Variants in FOXP1 observed in about 807,000 individuals in gnomAD.
FOXP1 encodes forkhead box protein P1.
In FOXP1, 15 loss-of-function variants were observed where a neutral mutation model predicts 98.2. The observed-to-expected ratio is 0.15, with a 90% CI of 0.10 to 0.24. The LOEUF (loss-of-function observed/expected upper bound fraction) is 0.24, where lower values mean the gene tolerates loss of function less well. FOXP1 is among the 10% of genes least tolerant of loss of function. The pLI is 1.00. For synonymous variants in FOXP1, 371 were observed against 314.5 expected, an observed-to-expected ratio of 1.18 and a Z score of -1.90; for missense variants, 633 against 848.5, an observed-to-expected ratio of 0.75 and a Z score of 3.15.
At chr3:71,035,061 T>C (rs2047399778) in intron 11 of FOXP1, among the ~76,000 whole-genome samples, 1 of 152,192 alleles carries the variant, frequency 6.6e-6, no homozygotes, top group African/African-American at 2.4e-5. Flanking sequence ...CTTCTCAAAC[T>C]TGAACATGTA....
intron 6 of FOXP1, among the ~76,000 whole-genome samples, chr3:71,135,266 A>T (rs2107955885): frequency 1.3e-5 from 2 of 151,932 alleles, no homozygotes; most frequent in Middle Eastern, 3.4e-3. Flanking sequence ...AAAAAAAAAA[A>T]AAAAAAAAAA....
intron 7 of FOXP1, among the ~76,000 whole-genome samples, chr3:71,091,129 G>GTGTGTGTGTGTGTATA (rs3064142): frequency 8.2e-6 from 1 of 122,290 alleles, no homozygotes; most frequent in Non-Finnish European, 1.7e-5. Context: ...GTGTGTGTGT[G>GTGTGTGTGTGTGTATA]TGTATTCTTA....
intron 4 of FOXP1, among the ~76,000 whole-genome samples, chr3:71,310,786 T>C (rs1396082746): frequency 6.6e-6 from 1 of 152,184 alleles, no homozygotes; most frequent in Non-Finnish European, 1.5e-5. Context: ...TGTTTAAGCC[T>C]GCACTAGTGT....
chr3:71,126,328 CA>C (rs528792162), intron 6 of FOXP1, among the ~76,000 whole-genome samples: 31 of 143,700 alleles, frequency 2.2e-4, no homozygotes, highest in Admixed American at 2.1e-4. Flanking sequence ...ATTAAAAATA[CA>C]AAAAAAAAAA....
At chr3:71,106,716 T>C (rs1293616031) in intron 7 of FOXP1, among the ~76,000 whole-genome samples, 1 of 151,708 alleles carries the variant, frequency 6.6e-6, no homozygotes, top group East Asian at 1.9e-4. Flanking sequence ...GGCCTCAGCC[T>C]TCTTAGTAGC....
chr3:71,380,818 G>GA (rs1453468749), intron 3 of FOXP1, among the ~76,000 whole-genome samples: 5 of 147,818 alleles, frequency 3.4e-5, no homozygotes, highest in Non-Finnish European at 7.4e-5. Context: ...CCCCAAGACA[G>GA]AATGGTTTTT....
At chr3:71,212,346 C>CT (rs1484310952) in intron 5 of FOXP1, among the ~76,000 whole-genome samples, 2 of 152,180 alleles carry the variant, frequency 1.3e-5, no homozygotes, top group Non-Finnish European at 2.9e-5. Context: ...AATCTTGACC[C>CT]TTAAGCACTG....
At chr3:71,341,857 G>A (rs1283471736) in intron 4 of FOXP1, among the ~76,000 whole-genome samples, 1 of 152,158 alleles carries the variant, frequency 6.6e-6, no homozygotes, top group African/African-American at 2.4e-5. Context: ...TAAAGACAAA[G>A]GTTTGAAGTT....
At chr3:71,356,216 A>G (rs1253604083) in intron 4 of FOXP1, among the ~76,000 whole-genome samples, 1 of 141,686 alleles carries the variant, frequency 7.1e-6, no homozygotes, top group South Asian at 2.1e-4. Context: ...ACTAAGTCAA[A>G]AAAAAAAAAA....
intron 6 of FOXP1, among the ~76,000 whole-genome samples, chr3:71,135,814 G>A (rs2059794282): frequency 6.6e-6 from 1 of 152,190 alleles, no homozygotes. Flanking sequence ...CACCTTTCCA[G>A]GCTCCAAAAC....
chr3:71,446,362 A>C (rs993166795), intron 3 of FOXP1, among the ~76,000 whole-genome samples: 2 of 152,118 alleles, frequency 1.3e-5, no homozygotes, highest in African/African-American at 4.8e-5. Flanking sequence ...GAGGGTAATA[A>C]GCAGAGAAAA....
chr3:71,583,471 T>C (rs546249478), intron 1 of FOXP1, 100 bp downstream of exon 1: 246 of 983,204 alleles, frequency 2.5e-4, no homozygotes, highest in South Asian at 1.6e-3. Context: ...CTTTCTTTTT[T>C]TTTTTTTGTG....
intron 19 of FOXP1, chr3:70,970,441 TTTTTGCCTC>T: frequency 2.3e-6 from 1 of 431,088 alleles, no homozygotes; most frequent in South Asian, 2.2e-5. Flanking sequence ...ACTTGTGGTA[TTTTTGCCTC>T]AAGTGAAATT....
intron 20 of FOXP1, 36 bp downstream of exon 20, chr3:70,965,854 C>T: frequency 1.2e-6 from 2 of 1,605,746 alleles, no homozygotes; most frequent in Non-Finnish European, 1.7e-6. Flanking sequence ...AGACTAGGGT[C>T]AGATAGCAAA....
intron 4 of FOXP1, among the ~76,000 whole-genome samples, chr3:71,357,252 C>T (rs577936190): frequency 6.6e-6 from 1 of 152,242 alleles, no homozygotes; most frequent in East Asian, 1.9e-4. Flanking sequence ...CTAGCATATT[C>T]GAGAGTTTAA....
At chr3:71,401,640 A>C (rs1237237243) in intron 3 of FOXP1, among the ~76,000 whole-genome samples, 2 of 152,212 alleles carry the variant, frequency 1.3e-5, no homozygotes, top group Admixed American at 1.3e-4. Flanking sequence ...GAGAGAGCAC[A>C]TGAACAGGTC....
chr3:71,338,954 A>C (rs565221092), intron 4 of FOXP1, among the ~76,000 whole-genome samples: 1 of 152,212 alleles, frequency 6.6e-6, no homozygotes, highest in Non-Finnish European at 1.5e-5. Context: ...AAAGAACACT[A>C]GGATGGTTTA....
intron 5 of FOXP1, among the ~76,000 whole-genome samples, chr3:71,281,404 C>G (rs1371173937): frequency 1.3e-5 from 2 of 152,230 alleles, no homozygotes; most frequent in African/African-American, 4.8e-5. Context: ...AGCCAACCCT[C>G]TGCTATCTCA....
chr3:71,064,319 G>C (rs573692271), intron 7 of FOXP1, among the ~76,000 whole-genome samples: 2 of 152,286 alleles, frequency 1.3e-5, no homozygotes. Flanking sequence ...GAGATGGAAG[G>C]CTCCTTGTAT....
Sources: allele counts gnomAD v4.1 joint callset (sites outside exome capture counted in the v4.1 genomes callset), GRCh38; gene constraint gnomAD v4.1.1; transcripts MANE v1.5; gene names NCBI Gene and HGNC (gene_info 2026-07-23, HGNC 2026-07-21).